Variants in PHF20L1 observed in about 807,000 individuals in gnomAD.
The protein encoded by PHF20L1 is PHD finger protein 20-like protein 1.
PHF20L1 carries 44 observed loss-of-function variants against 125.5 expected under a neutral mutation model. The ratio of observed to expected loss-of-function variants is 0.35; its 90% confidence interval spans 0.28 to 0.45. The LOEUF (loss-of-function observed/expected upper bound fraction) is 0.45, where lower values mean the gene tolerates loss of function less well. Among genes scored for constraint, PHF20L1 ranks in the 20% least tolerant of loss-of-function variants. The pLI is 1.00. For synonymous variants in PHF20L1, 380 were observed against 403.1 expected, an observed-to-expected ratio of 0.94 and a Z score of 0.69; for missense variants, 1,012 against 1,217.2, an observed-to-expected ratio of 0.83 and a Z score of 2.51.
At chr8:132,843,911 A>G (rs754711884) in intron 19 of PHF20L1, 39 of 985,216 alleles carry the variant, frequency 4.0e-5, no homozygotes, top group Non-Finnish European at 4.7e-5. Context: ...AGCGCATTTT[A>G]TTGAAGCCTT....
In PHF20L1 at chr8:132,836,635, G is replaced by A. The variant is rs1219900786; in HGVS notation, c.2005G>A (p.Glu669Lys). The A allele has an allele frequency of 6.2e-7, 1 of 1,613,054 alleles. No homozygotes were observed. The highest frequency in any genetic ancestry group is 8.5e-7 in the Non-Finnish European group (1 of 1,179,256). ...YNQDFDSTNF[E>K]ESQDEDDALN... ...TCAGGACTTTGATTCAACCAATTTT[G>A]AGGAATCTCAGGATGAGGATGATGC... Residue 669 changes from glutamate (E) to lysine (K), a missense_variant, in exon 16 of 21, where the codon GAG (glutamate) becomes AAG (lysine). Transcript: ENST00000395386.
chr8:132,811,978 T>G, intron 9 of PHF20L1: 1 of 980,158 alleles, frequency 1.0e-6, no homozygotes, highest in Non-Finnish European at 1.2e-6. Context: ...CCAAATTTAA[T>G]TGATATTGTA....
chr8:132,840,696 GGA>G (rs1837844001), intron 18 of PHF20L1, among the ~76,000 whole-genome samples: 4 of 151,996 alleles, frequency 2.6e-5, no homozygotes, highest in African/African-American at 9.7e-5. Context: ...CTCACACCCA[GGA>G]TAAGCTTCTA....
At chr8:132,811,628 CTAT>C in intron 9 of PHF20L1, 1 of 982,598 alleles carries the variant, frequency 1.0e-6, no homozygotes, top group Non-Finnish European at 1.2e-6. Context: ...GTTTAAAAAA[CTAT>C]TAAGGGTCTG....
rs772333737 is a variant in PHF20L1, at chr8:132,825,340, GAAA to G, written c.1719_1721del (p.Lys577del). ...ACTACAGACCAAAACAGAAGAAGAA[GAAA>G]AAAAAGAAAAAGAAATCTAAGCAAC... On this transcript the variant is annotated inframe_deletion, in exon 14 of 21. Coordinates refer to ENST00000395386, the MANE Select transcript of PHF20L1 (RefSeq NM_016018.5). 2.0e-6 allele frequency: 3 copies of G among 1,473,710 alleles called. No homozygotes were observed. Among genetic ancestry groups the G allele is most frequent in the Non-Finnish European group, 2.8e-6 (3 of 1,083,844 alleles). The allele number at this position is 1,473,710 out of a possible 1,614,324, so 91.3% of individuals were successfully genotyped here.
At chr8:132,838,732 T>C (rs1837632154) in intron 17 of PHF20L1, 1 of 152,200 alleles carries the variant, frequency 6.6e-6, no homozygotes, top group African/African-American at 2.4e-5. Flanking sequence ...CCAACATTTA[T>C]AGTGTTCATT....
rs369261067 is a variant in PHF20L1 at position 132,832,288 on chromosome 8, C to G, written c.1798C>G (p.Pro600Ala). Reference protein sequence around the residue: ...SLEFLERCSSPLTRSSGSSLA... With the variant: ...SLEFLERCSSALTRSSGSSLA... The stretch of plus-strand genomic sequence containing the variant: ...CGAATTTTTGGAAAGGTGCTCTTCT[C>G]CACTAACTCGATCTTCTGGGAGTTC... The change falls in exon 15 of 21, where the codon CCA becomes GCA. Residue 600 changes from proline to alanine, a missense_variant. By Grantham distance (27) the Pro-to-Ala change is conservative. Around this residue, in one of 7 missense-constraint regions of PHF20L1, gnomAD observed 320 missense variants for 293.8 expected, o/e 1.09. Transcript: ENST00000395386. The G allele has an allele frequency of 1.8e-4, 287 of 1,607,592 alleles. No individual in the cohort carries two copies. Among genetic ancestry groups the G allele is most frequent in the Non-Finnish European group, 2.4e-4 (282 of 1,174,508 alleles).
At chr8:132,843,089 A>G in intron 19 of PHF20L1, 1 of 1,262,950 alleles carries the variant, frequency 7.9e-7, no homozygotes, top group South Asian at 2.5e-5. Flanking sequence ...GTAGTAATTC[A>G]ATAAACTGTT....
chr8:132,775,822 C>G (rs1055128499), intron 1 of PHF20L1, among the ~76,000 whole-genome samples, 177 bp downstream of exon 1: 6 of 152,180 alleles, frequency 3.9e-5, no homozygotes, highest in Admixed American at 1.3e-4. Context: ...TCCTTACCCC[C>G]CTGCGGAGGG....
chr8:132,827,471 CTG>C (rs1836305675), intron 14 of PHF20L1, among the ~76,000 whole-genome samples: 1 of 152,028 alleles, frequency 6.6e-6, no homozygotes. Context: ...CAGCAACAAA[CTG>C]TGTTCTGTTC....
chr8:132,823,893 A>G, intron 12 of PHF20L1, 111 bp from the exon 13 acceptor site: 3 of 600,396 alleles, frequency 5.0e-6, no homozygotes, highest in South Asian at 4.8e-5. Flanking sequence ...GTAGACCGTT[A>G]GGAGAAAAAG....
chr8:132,777,177 A>G lies in PHF20L1; in HGVS notation c.-37-615A>G, dbSNP rs188374698. On this transcript the variant is annotated intron_variant, in intron 1 of 20. Transcript: ENST00000395386. ...TCTCTTTTGTAATACTGTATGTTAA[A>G]TTAAAATTATTGAATTATGTGCTAC... 3.9e-5 allele frequency among the ~76,000 whole-genome samples: 6 copies of G among 152,340 alleles called. No homozygotes were observed. In the East Asian group the frequency reaches 9.6e-4, roughly 24 times the overall value.
Position 132,797,508 on chromosome 8 carries a change from G to A in PHF20L1, c.341-1264G>A, listed in dbSNP as rs540328376. Among the ~76,000 whole-genome samples the A allele has an allele frequency of 1.2e-3, 178 of 152,104 alleles. 1 individual carries two copies. Among genetic ancestry groups the A allele is most frequent in the African/African-American group, 4.2e-3 (173 of 41,530 alleles). On this transcript the variant is annotated intron_variant, in intron 4 of 20. Transcript: ENST00000395386. ...GCAGAGAGGTATTAATGCCCAGACG[G>A]CCTGGTGTGCAAGCTGAGTTTTTCT...
intron 12 of PHF20L1, chr8:132,818,397 T>G (rs757884177): frequency 6.6e-6 from 1 of 151,946 alleles, no homozygotes; most frequent in East Asian, 1.9e-4. Flanking sequence ...TCATTGTGTT[T>G]ACAGGCGTCT....
intron 9 of PHF20L1, chr8:132,812,912 T>A: frequency 2.1e-6 from 2 of 975,248 alleles, no homozygotes; most frequent in Non-Finnish European, 1.2e-6. Flanking sequence ...CAAACTGTGG[T>A]CTTGAACCCC....
intron 19 of PHF20L1, 68 bp from the exon 20 acceptor site, chr8:132,844,088 A>G: frequency 6.3e-7 from 1 of 1,591,376 alleles, no homozygotes; most frequent in Non-Finnish European, 8.6e-7. Context: ...TGTTTCCTGT[A>G]TCCTTAACTC....
intron 2 of PHF20L1, among the ~76,000 whole-genome samples, chr8:132,789,961 C>A (rs1411150131): frequency 6.6e-6 from 1 of 152,114 alleles, no homozygotes; most frequent in Non-Finnish European, 1.5e-5. Flanking sequence ...TCATTGTTAT[C>A]GGCATCTTAT....
chr8:132,804,863 A>G (rs997707429), intron 8 of PHF20L1, 123 bp downstream of exon 8: 21 of 818,664 alleles, frequency 2.6e-5, no homozygotes, highest in Non-Finnish European at 3.6e-5. Flanking sequence ...AACAAAGACA[A>G]TTACTTTGTG....
intron 14 of PHF20L1, 114 bp from the exon 15 acceptor site, chr8:132,832,121 G>A (rs1213126898): frequency 2.4e-5 from 17 of 709,948 alleles, no homozygotes; most frequent in East Asian, 1.3e-4. Flanking sequence ...GATGAGAAGC[G>A]AAAGTGGTAG....
Sources: gnomAD v4.1 joint callset for allele counts (sites outside exome capture counted in the v4.1 genomes callset) on GRCh38, gnomAD v4.1.1 for gene constraint, gnomAD v4.1.1 regional missense constraint, MANE v1.5 for transcripts, NCBI Gene and HGNC (gene_info 2026-07-23, HGNC 2026-07-21) for gene names.